Variants in ZNF503 observed in about 807,000 individuals in gnomAD.
The protein encoded by ZNF503 is NocA-like zinc finger 2.
Under a neutral mutation model 34.4 loss-of-function variants are expected in ZNF503, and 15 were observed. The ratio of observed to expected loss-of-function variants is 0.44; its 90% CI spans 0.29 to 0.67. The LOEUF (loss-of-function observed/expected upper bound fraction) is 0.67, where lower values mean the gene tolerates loss of function less well. ZNF503 is among the 30% of genes least tolerant of loss of function. ZNF503 has a pLI of 0.13. For synonymous variants in ZNF503, 580 were observed against 456.8 expected (o/e 1.27, Z -3.44); for missense variants, 1,007 against 926.8 (o/e 1.09, Z -1.12).
rs1163287569 is a variant in ZNF503, at chr10:75,398,741, G to A, written c.*8C>T. 2.2e-6 allele frequency: 3 copies of A among 1,370,616 alleles called. No homozygotes were observed. The highest frequency in any genetic ancestry group is 1.9e-6 in the Non-Finnish European group (2 of 1,066,140). The allele number at this position is 1,370,616 out of a possible 1,614,324, so 84.9% of individuals were successfully genotyped here. A position where few individuals can be genotyped will look rare whatever the true frequency, so the allele number is the denominator to read the frequency against. On this transcript the variant is annotated 3_prime_UTR_variant, in exon 2 of 2. Transcript: ENST00000372524. ...CCTCCTCTCCCTCGCTCGCCCTCCC[G>A]GCCGCCCTCACTGATACCCCAGCGC...
At chr10:75,353,371 A>G in the ZNF503 span, among the ~76,000 whole-genome samples, 16 of 152,290 alleles carry the variant, frequency 1.1e-4, no homozygotes, top group South Asian at 3.1e-3. Flanking sequence ...TTCCTGGCTG[A>G]CCCTGCGGAG....
the ZNF503 span, among the ~76,000 whole-genome samples, chr10:75,289,360 G>C: frequency 6.6e-6 from 1 of 152,076 alleles, no homozygotes; most frequent in Non-Finnish European, 1.5e-5. Context: ...TGCCCCTATT[G>C]TTCGGTTACT....
chr10:75,384,464 C>T, the ZNF503 span, among the ~76,000 whole-genome samples: 3 of 152,144 alleles, frequency 2.0e-5, no homozygotes, highest in African/African-American at 7.2e-5. Flanking sequence ...GTAAGTTTGT[C>T]CCTCATCACA....
rs759370892 is a variant in ZNF503 at position 75,400,156 on chromosome 10, G to A, written c.534C>T (p.Tyr178=). The A allele has an allele frequency of 1.5e-5, 24 of 1,561,822 alleles. No homozygotes were observed. In the African/African-American group the frequency reaches 2.7e-4, roughly 18 times the overall value. The part of the protein sequence containing the change: ...GVEDKSSFKP[Y]SKPGSDKKEP... The stretch of plus-strand genomic sequence containing the variant: ...CCTTCTTATCCGAGCCGGGTTTGGA[G>A]TACGGCTTGAAACTCGACTTGTCCT... Residue 178 remains tyrosine (Y), a synonymous_variant, in exon 2 of 2, where the codon TAC becomes TAT. Transcript: ENST00000372524.
chr10:75,289,977 G>A, the ZNF503 span, among the ~76,000 whole-genome samples: 23 of 152,118 alleles, frequency 1.5e-4, 1 homozygote, highest in Non-Finnish European at 2.8e-4. Context: ...CAGAAACTCT[G>A]TACCCACTAA....
At chr10:75,311,465 G>C in the ZNF503 span, among the ~76,000 whole-genome samples, 12 of 152,184 alleles carry the variant, frequency 7.9e-5, no homozygotes, top group African/African-American at 2.6e-4. Context: ...TCCACACCAA[G>C]AGGCAGAGAT....
At chr10:75,318,699 T>C in the ZNF503 span, among the ~76,000 whole-genome samples, 2 of 150,946 alleles carry the variant, frequency 1.3e-5, no homozygotes, top group South Asian at 4.2e-4. Flanking sequence ...TAAGATAATT[T>C]GTCACTAGCA....
At chr10:75,336,430 A>G in the ZNF503 span, among the ~76,000 whole-genome samples, 2 of 151,110 alleles carry the variant, frequency 1.3e-5, no homozygotes, top group African/African-American at 4.9e-5. Flanking sequence ...TTTTCAAATC[A>G]TCATCGTTAT....
the ZNF503 span, among the ~76,000 whole-genome samples, chr10:75,367,256 C>T: frequency 3.3e-4 from 51 of 152,240 alleles, no homozygotes; most frequent in South Asian, 0.011. Flanking sequence ...ATGAGACCTC[C>T]CTCTCTGGCT....
chr10:75,401,244 G>A lies in ZNF503; in HGVS notation c.176C>T (p.Ala59Val), dbSNP rs1843806289. 2 of 1,607,312 alleles carry A rather than the reference G, an allele frequency of 1.2e-6. No individual in the cohort carries two copies. Among genetic ancestry groups the A allele is most frequent in the Non-Finnish European group, 8.5e-7 (1 of 1,177,100 alleles). Reference sequence around the variant, plus strand: ...GCGCAGGGGGTCAGAGGGGGGCACGGCGTGCACAAAAGGCTTGGTGCTGCC... The same window carrying A: ...GCGCAGGGGGTCAGAGGGGGGCACGACGTGCACAAAAGGCTTGGTGCTGCC... Reference protein sequence around the residue: ...PAGSTKPFVHAVPPSDPLRQA... With the variant: ...PAGSTKPFVHVVPPSDPLRQA... Residue 59 changes from alanine (A) to valine (V), a missense_variant, in exon 1 of 2, where the codon GCC becomes GTC. Ala to Val is a moderately conservative substitution (Grantham distance 64, BLOSUM62 0). Coordinates refer to ENST00000372524, the MANE Select transcript of ZNF503 (RefSeq NM_032772.6).
the ZNF503 span, among the ~76,000 whole-genome samples, chr10:75,293,069 A>C: frequency 2.0e-5 from 3 of 152,154 alleles, no homozygotes; most frequent in Non-Finnish European, 4.4e-5. Context: ...CAGTTGTGGC[A>C]AGGGTTAGGG....
chr10:75,345,289 G>A, the ZNF503 span, among the ~76,000 whole-genome samples: 1 of 152,088 alleles, frequency 6.6e-6, no homozygotes, highest in Admixed American at 6.6e-5. Context: ...GGGGTATAAG[G>A]TTACTAGAGC....
chr10:75,284,610 C>T, the ZNF503 span, among the ~76,000 whole-genome samples: 748 of 152,242 alleles, frequency 4.9e-3, 1 homozygote, highest in Middle Eastern at 0.014. Context: ...CTATGTCTGT[C>T]GCTTCCAGGT....
the ZNF503 span, among the ~76,000 whole-genome samples, chr10:75,307,724 C>A: frequency 2.0e-5 from 3 of 152,218 alleles, no homozygotes; most frequent in African/African-American, 7.2e-5. Context: ...ACTAATGCAG[C>A]TGGTGACTTT....
At chr10:75,314,202 A>G in the ZNF503 span, among the ~76,000 whole-genome samples, 7 of 145,234 alleles carry the variant, frequency 4.8e-5, no homozygotes, top group Non-Finnish European at 1.0e-4. Context: ...GTGCCACTGC[A>G]CTCCAGCCTG....
the ZNF503 span, among the ~76,000 whole-genome samples, chr10:75,286,898 C>T: frequency 6.6e-6 from 1 of 152,200 alleles, no homozygotes; most frequent in Admixed American, 6.5e-5. Context: ...TTCTAATTTA[C>T]TTATGACACT....
chr10:75,374,039 C>T, the ZNF503 span, among the ~76,000 whole-genome samples: 1 of 152,230 alleles, frequency 6.6e-6, no homozygotes, highest in Non-Finnish European at 1.5e-5. Context: ...CATGGGCAGG[C>T]ACGGTGGCTC....
chr10:75,390,044 C>G, the ZNF503 span, among the ~76,000 whole-genome samples: 7 of 152,186 alleles, frequency 4.6e-5, no homozygotes, highest in Middle Eastern at 3.4e-3. Context: ...AGGCACCCCC[C>G]CACCACGCCC....
At chr10:75,336,700 G>T in the ZNF503 span, among the ~76,000 whole-genome samples, 1 of 152,156 alleles carries the variant, frequency 6.6e-6, no homozygotes, top group Non-Finnish European at 1.5e-5. Flanking sequence ...GCCAGGCTGG[G>T]ATCTTCTTGG....
Sources: gnomAD v4.1 joint callset for allele counts (sites outside exome capture counted in the v4.1 genomes callset) on GRCh38, gnomAD v4.1.1 for gene constraint, MANE v1.5 for transcripts, NCBI Gene and HGNC (gene_info 2026-07-23, HGNC 2026-07-21) for gene names.